PHF8: variants seen among roughly 807,000 people sequenced by gnomAD.
The protein encoded by PHF8 is histone lysine demethylase PHF8.
A neutral mutation model predicts 74.4 loss-of-function variants in PHF8; 9 were observed. That is an observed-to-expected ratio of 0.12 (90% CI 0.07 to 0.21). The LOEUF is 0.21. PHF8 is among the 10% of genes least tolerant of loss of function. The pLI is 1.00. For missense variants in PHF8, 478 were observed against 816.6 expected, an observed-to-expected ratio of 0.59 and a Z score of 5.05; for synonymous variants, 311 against 316.6, an observed-to-expected ratio of 0.98 and a Z score of 0.19.
chrX:53,999,281 C>T (rs2065793668), intron 11 of PHF8, among the ~76,000 whole-genome samples: 1 of 112,283 alleles, frequency 8.9e-6, no homozygotes, highest in Non-Finnish European at 1.9e-5. Context: ...TATGAGGATT[C>T]ATTTCCACTT....
chrX:53,942,384 A>G (rs1243598058), intron 20 of PHF8, among the ~76,000 whole-genome samples: 1 of 112,475 alleles, frequency 8.9e-6, no homozygotes, highest in Admixed American at 9.5e-5. Context: ...TAACTTGCCC[A>G]AATGGTAGAA....
At chrX:54,037,917 T>C (rs1201758136) in intron 2 of PHF8, among the ~76,000 whole-genome samples, 4 of 112,630 alleles carry the variant, frequency 3.6e-5, no homozygotes, top group Admixed American at 2.8e-4. Flanking sequence ...TTTGCTAATA[T>C]GTAACAGAAT....
At position 54,011,030 on chromosome X, in the gene PHF8, C is replaced by T. The variant is rs782134250; in HGVS notation, c.946+92G>A. The stretch of plus-strand genomic sequence containing the variant: ...CCTTTCGCTGATATGAGAAAGACAT[C>T]CCACGTAATCAGATTAATATGCTGT... On this transcript the variant is annotated intron_variant, in intron 8 of 21. Coordinates refer to ENST00000338154, the MANE Select transcript of PHF8 (RefSeq NM_015107.3). 54 of 792,049 alleles carry T rather than the reference C, an allele frequency of 6.8e-5. No individual in the cohort carries two copies. In the South Asian group the frequency reaches 1.1e-3, roughly 16 times the overall value. 65.3% of individuals were successfully genotyped at this position (792,049 alleles called of 1,213,427 possible).
intron 2 of PHF8, among the ~76,000 whole-genome samples, chrX:54,038,252 C>G (rs1557114912): frequency 8.9e-6 from 1 of 111,844 alleles, no homozygotes; most frequent in African/African-American, 3.3e-5. Flanking sequence ...TAAAAAAGGT[C>G]GTTCCTCCTG....
intron 18 of PHF8, among the ~76,000 whole-genome samples, chrX:53,967,161 G>A (rs1211999271): frequency 1.5e-4 from 14 of 95,135 alleles, no homozygotes; most frequent in Middle Eastern, 5.6e-3. Flanking sequence ...CCCCCCGCCC[G>A]GCCAGCCGCC....
At chrX:54,035,433 TG>T (rs1557113813) in intron 2 of PHF8, among the ~76,000 whole-genome samples, 1 of 106,700 alleles carries the variant, frequency 9.4e-6, no homozygotes, top group African/African-American at 3.6e-5. Flanking sequence ...CAGTTGCTTA[TG>T]GTAAGTTATA....
chrX:54,002,750 T>G (rs2065844933), intron 8 of PHF8, 68 bp from the exon 9 acceptor site: 2 of 724,830 alleles, frequency 2.8e-6, no homozygotes, highest in Non-Finnish European at 4.4e-6. Flanking sequence ...CTCCACTACC[T>G]ACTCATCTCA....
intron 18 of PHF8, among the ~76,000 whole-genome samples, chrX:53,966,774 T>C (rs1557092801): frequency 9.3e-6 from 1 of 107,014 alleles, no homozygotes; most frequent in African/African-American, 3.4e-5. Flanking sequence ...TGCCATCCCA[T>C]CTAGGAAGTG....
chrX:53,942,246 A>C (rs2064763054), intron 20 of PHF8, among the ~76,000 whole-genome samples: 4 of 111,781 alleles, frequency 3.6e-5, no homozygotes, highest in Non-Finnish European at 5.6e-5. Flanking sequence ...CATAATGATA[A>C]TGATGAAAAA....
At chrX:53,944,830 C>T (rs1459134086) in intron 19 of PHF8, among the ~76,000 whole-genome samples, 2 of 111,257 alleles carry the variant, frequency 1.8e-5, no homozygotes, top group African/African-American at 6.5e-5. Context: ...AGACCAGCCT[C>T]GCCAACATGG....
At chrX:54,033,940 A>T (rs782153400) in intron 2 of PHF8, among the ~76,000 whole-genome samples, 1 of 111,361 alleles carries the variant, frequency 9.0e-6, no homozygotes, top group South Asian at 3.7e-4. Context: ...AAAAAAAAAG[A>T]AAGTGTCAAC....
intron 8 of PHF8, among the ~76,000 whole-genome samples, 176 bp downstream of exon 8, chrX:54,010,946 C>T (rs1365983477): frequency 9.0e-6 from 1 of 111,442 alleles, no homozygotes; most frequent in Non-Finnish European, 1.9e-5. Context: ...TTCAGCCTCC[C>T]CAGGTGACCA....
intron 7 of PHF8, among the ~76,000 whole-genome samples, chrX:54,013,068 T>G (rs1232307489): frequency 1.8e-5 from 2 of 110,900 alleles, no homozygotes; most frequent in African/African-American, 3.3e-5. Context: ...CAGTGAGTTA[T>G]GACTGCACCA....
chrX:53,999,078 A>T lies in PHF8; in HGVS notation c.1233+792T>A, dbSNP rs190558223. Among the ~76,000 whole-genome samples the T allele has an allele frequency of 5.3e-5, 6 of 112,342 alleles. No homozygotes were observed. In the East Asian group the frequency reaches 1.7e-3, roughly 31 times the overall value. The stretch of plus-strand genomic sequence containing the variant: ...TGGAGAACTTTGGTGACACAGGAAA[A>T]TTAAGACAAACCAATAGATTCAAAC... On this transcript the variant is annotated intron_variant, in intron 11 of 21. Coordinates refer to ENST00000338154, the MANE Select transcript of PHF8 (RefSeq NM_015107.3).
chrX:54,016,284 G>A (rs1385485121), intron 6 of PHF8, among the ~76,000 whole-genome samples: 3 of 110,533 alleles, frequency 2.7e-5, no homozygotes, highest in Non-Finnish European at 5.7e-5. Context: ...ACCTGAGGTA[G>A]GGAGTTCGAG....
chrX:53,966,989 C>A (rs1218552162), intron 18 of PHF8, among the ~76,000 whole-genome samples: 692 of 91,991 alleles, frequency 7.5e-3, no homozygotes, highest in African/African-American at 0.021. Context: ...GGAGACCCTC[C>A]GCCTGGCAAC....
At position 53,993,825 on chromosome X, in the gene PHF8, G is replaced by A; in HGVS notation, c.1402C>T (p.Leu468=). ...GAAGTGGAATGGGCTGGCCTGGTTA[G>A]GGGAATGGAGCCGGCTGGGAAGATC... ...QRIFPAGSIP[L]TRPAHSTSVS... The change falls in exon 13 of 22, where the codon CTA becomes TTA. Residue 468 remains leucine (L), a synonymous_variant. Coordinates refer to ENST00000338154, the MANE Select transcript of PHF8 (RefSeq NM_015107.3). The A allele has an allele frequency of 1.3e-5, 16 of 1,207,340 alleles. No homozygotes were observed. The highest frequency in any genetic ancestry group is 1.8e-5 in the Non-Finnish European group (16 of 891,131).
At chrX:54,045,424 C>T (rs2066625990), upstream of PHF8, among the ~76,000 whole-genome samples, 1 of 112,557 alleles carries the variant, frequency 8.9e-6, no homozygotes, top group Non-Finnish European at 1.9e-5. Context: ...AATTTACTAA[C>T]CAGTGATGGT....
At chrX:53,953,665 G>T (rs1180243841) in intron 19 of PHF8, among the ~76,000 whole-genome samples, 1 of 107,256 alleles carries the variant, frequency 9.3e-6, no homozygotes. Flanking sequence ...AAAGCGGGGG[G>T]GGTCCTAGAA....
Sources: gnomAD v4.1 joint callset for allele counts (sites outside exome capture counted in the v4.1 genomes callset) on GRCh38, gnomAD v4.1.1 for gene constraint, MANE v1.5 for transcripts, NCBI Gene and HGNC (gene_info 2026-07-23, HGNC 2026-07-21) for gene names.